Variants in SHANK2 observed in about 807,000 individuals in gnomAD.
SHANK2 encodes the protein SH3 and multiple ankyrin repeat domains protein 2.
A neutral mutation model predicts 133.7 loss-of-function variants in SHANK2; 43 were observed. That is an observed-to-expected ratio of 0.32 (90% CI 0.25 to 0.41). The LOEUF (loss-of-function observed/expected upper bound fraction) is 0.41, where lower values mean the gene tolerates loss of function less well. SHANK2 is among the 10% of genes least tolerant of loss of function. SHANK2 has a pLI of 1.00. For missense variants in SHANK2, 1,994 were observed against 2,235.8 expected, an observed-to-expected ratio of 0.89 and a Z score of 2.18; for synonymous variants, 1,017 against 952.8, an observed-to-expected ratio of 1.07 and a Z score of -1.24.
At chr11:70,899,067 C>A (rs1949985646) in intron 10 of SHANK2, among the ~76,000 whole-genome samples, 1 of 152,196 alleles carries the variant, frequency 6.6e-6, no homozygotes, top group Admixed American at 6.5e-5. Flanking sequence ...TTGGTTTCAA[C>A]AGTTAGATGG....
intron 17 of SHANK2, among the ~76,000 whole-genome samples, chr11:70,584,204 G>T (rs2060219397): frequency 6.6e-6 from 1 of 152,176 alleles, no homozygotes; most frequent in African/African-American, 2.4e-5. Flanking sequence ...ACACTTGCGG[G>T]TCTGGTGAGT....
intron 21 of SHANK2, among the ~76,000 whole-genome samples, chr11:70,495,518 G>T (rs1017258353): frequency 6.6e-6 from 1 of 152,232 alleles, no homozygotes; most frequent in South Asian, 2.1e-4. Context: ...AGATGTGGCC[G>T]CTGGTGGCCC....
At chr11:70,649,691 A>C (rs957303633) in intron 17 of SHANK2, among the ~76,000 whole-genome samples, 1 of 152,194 alleles carries the variant, frequency 6.6e-6, no homozygotes, top group Admixed American at 6.5e-5. Context: ...TGGGTGCATC[A>C]GAGGACCTGG....
intron 14 of SHANK2, among the ~76,000 whole-genome samples, chr11:70,726,569 T>C (rs1234162335): frequency 1.3e-5 from 2 of 152,110 alleles, no homozygotes; most frequent in Non-Finnish European, 2.9e-5. Flanking sequence ...GGCAAGTGTC[T>C]CTGTCTGTGG....
chr11:70,505,692 G>A (rs1311953139), intron 17 of SHANK2, among the ~76,000 whole-genome samples: 4 of 152,106 alleles, frequency 2.6e-5, no homozygotes, highest in Non-Finnish European at 5.9e-5. Flanking sequence ...GATGCTTGGG[G>A]AGAGTACGAG....
At chr11:70,778,072 G>A (rs1209455926) in intron 14 of SHANK2, among the ~76,000 whole-genome samples, 1 of 152,162 alleles carries the variant, frequency 6.6e-6, no homozygotes, top group Non-Finnish European at 1.5e-5. Flanking sequence ...CAGCCCTGTG[G>A]CAAACACATT....
At chr11:70,700,532 C>T (rs1168219441) in intron 14 of SHANK2, among the ~76,000 whole-genome samples, 5 of 152,162 alleles carry the variant, frequency 3.3e-5, no homozygotes, top group African/African-American at 1.2e-4. Flanking sequence ...TGCACAGGGC[C>T]CTCACCAAGC....
chr11:71,139,214 C>G (rs1952505328), intron 3 of SHANK2, among the ~76,000 whole-genome samples: 1 of 152,112 alleles, frequency 6.6e-6, no homozygotes, highest in Non-Finnish European at 1.5e-5. Flanking sequence ...TTCAGCTGAG[C>G]TACTCGGTGC....
intron 2 of SHANK2, among the ~76,000 whole-genome samples, chr11:71,209,738 C>G (rs1282309737): frequency 6.6e-6 from 1 of 152,226 alleles, no homozygotes; most frequent in Non-Finnish European, 1.5e-5. Flanking sequence ...CCAAACAGCA[C>G]ATCTGCTCTG....
At chr11:70,474,159 C>T (rs1189786732) in intron 25 of SHANK2, 1 of 157,792 alleles carries the variant, frequency 6.3e-6, no homozygotes, top group Admixed American at 5.9e-5. Flanking sequence ...GCAGCACTGT[C>T]CAGCGCCCAC....
chr11:71,097,678 C>T (rs567986270), intron 6 of SHANK2, among the ~76,000 whole-genome samples: 22 of 151,110 alleles, frequency 1.5e-4, no homozygotes, highest in African/African-American at 4.6e-4. Flanking sequence ...CGGGGGCTCC[C>T]GGAAGCGCAG....
At chr11:70,568,070 G>A (rs1244192088) in intron 17 of SHANK2, among the ~76,000 whole-genome samples, 1 of 152,224 alleles carries the variant, frequency 6.6e-6, no homozygotes, top group Non-Finnish European at 1.5e-5. Context: ...AAACTGCCGT[G>A]AGGCCAGCAG....
chr11:70,866,669 T>G (rs1949363584), intron 11 of SHANK2, among the ~76,000 whole-genome samples: 1 of 152,132 alleles, frequency 6.6e-6, no homozygotes, highest in South Asian at 2.1e-4. Flanking sequence ...AGGAATGACT[T>G]TTCTTATCAG....
chr11:71,210,254 T>TATATA (rs1565516818), intron 2 of SHANK2, among the ~76,000 whole-genome samples: 24 of 59,920 alleles, frequency 4.0e-4, no homozygotes, highest in South Asian at 1.0e-3. Flanking sequence ...ATATATATAT[T>TATATA]TATTTATTTT....
chr11:70,805,894 GA>G (rs1281219403), intron 13 of SHANK2, among the ~76,000 whole-genome samples: 1 of 152,256 alleles, frequency 6.6e-6, no homozygotes, highest in African/African-American at 2.4e-5. Context: ...AAAAATGACT[GA>G]AAAAAATGAA....
At chr11:70,612,642 C>A (rs1198783240) in intron 17 of SHANK2, among the ~76,000 whole-genome samples, 1 of 152,204 alleles carries the variant, frequency 6.6e-6, no homozygotes, top group Non-Finnish European at 1.5e-5. Context: ...CCCCCAGCGG[C>A]CCCCGGCAGC....
chr11:70,742,715 T>A (rs1461263249), intron 14 of SHANK2, among the ~76,000 whole-genome samples: 2 of 152,196 alleles, frequency 1.3e-5, no homozygotes, highest in Non-Finnish European at 2.9e-5. Context: ...GAGCTCTCCA[T>A]GCACAGCCAC....
At chr11:70,727,685 G>A (rs192436951) in intron 14 of SHANK2, among the ~76,000 whole-genome samples, 22 of 152,276 alleles carry the variant, frequency 1.4e-4, no homozygotes, top group African/African-American at 5.3e-4. Flanking sequence ...AAAATGAGGT[G>A]GCCCATGTCA....
chr11:70,678,532 C>CTTTTTTTTTTTTTTTTT (rs34446408), intron 15 of SHANK2, among the ~76,000 whole-genome samples: 1 of 77,040 alleles, frequency 1.3e-5, no homozygotes, highest in African/African-American at 4.9e-5. Context: ...TAAGAACAGG[C>CTTTTTTTTTTTTTTTTT]TTTTTTTTTT....
Sources: allele counts gnomAD v4.1 joint callset (sites outside exome capture counted in the v4.1 genomes callset), GRCh38; gene constraint gnomAD v4.1.1; transcripts MANE v1.5; gene names NCBI Gene and HGNC (gene_info 2026-07-23, HGNC 2026-07-21).